Variants in CCSER1 observed in about 807,000 individuals in gnomAD.
CCSER1 encodes serine-rich coiled-coil domain-containing protein 1.
A neutral mutation model predicts 82.0 loss-of-function variants in CCSER1; 41 were observed. The ratio of observed to expected loss-of-function variants is 0.50; its 90% CI spans 0.39 to 0.65. The LOEUF (loss-of-function observed/expected upper bound fraction) is 0.65. CCSER1 is among the 30% of genes least tolerant of loss of function. CCSER1 has a pLI of 0.00. For synonymous variants in CCSER1, 414 were observed against 383.9 expected, an observed-to-expected ratio of 1.08 and a Z score of -0.92; for missense variants, 1,119 against 1,064.2, an observed-to-expected ratio of 1.05 and a Z score of -0.72.
chr4:91,595,099 T>C (rs1764504480), intron 10 of CCSER1, among the ~76,000 whole-genome samples: 1 of 151,758 alleles, frequency 6.6e-6, no homozygotes, highest in Admixed American at 6.6e-5. Context: ...ACTATAGCCC[T>C]TCCCAGGGCC....
intron 10 of CCSER1, among the ~76,000 whole-genome samples, chr4:91,450,513 A>G (rs1755812037): frequency 6.6e-6 from 1 of 151,992 alleles, no homozygotes; most frequent in Admixed American, 6.6e-5. Context: ...GTCACAGTAT[A>G]GTAATCTTGG....
rs182311510 is a variant in CCSER1 at position 90,195,264 on chromosome 4, G to A, written c.-42+67433G>A. On this transcript the variant is annotated intron_variant, in intron 1 of 10. Coordinates refer to ENST00000509176, the MANE Select transcript of CCSER1 (RefSeq NM_001145065.2). Reference sequence around the variant, plus strand: ...CCCATCCAGACAATGGAATGATTCAGTGTTAAAAAACGAATAATCAAGCCA... The same window carrying A: ...CCCATCCAGACAATGGAATGATTCAATGTTAAAAAACGAATAATCAAGCCA... Among the ~76,000 whole-genome samples the A allele has an allele frequency of 2.8e-3, 419 of 152,154 alleles. 5 individuals carry two copies. Among genetic ancestry groups the A allele is most frequent in the Non-Finnish European group, 2.4e-3 (165 of 67,950 alleles).
At chr4:91,282,847 C>A (rs555556310) in intron 10 of CCSER1, among the ~76,000 whole-genome samples, 39 of 152,190 alleles carry the variant, frequency 2.6e-4, no homozygotes, top group Non-Finnish European at 5.1e-4. Context: ...GGTTCTTTAA[C>A]TGATTCTGAA....
intron 1 of CCSER1, among the ~76,000 whole-genome samples, chr4:90,240,079 AT>A (rs2084179505): frequency 6.6e-6 from 1 of 152,198 alleles, no homozygotes. Flanking sequence ...GGTGTAATTC[AT>A]CTCACTGGAG....
At chr4:90,777,047 A>G (rs1752991345) in intron 7 of CCSER1, among the ~76,000 whole-genome samples, 1 of 152,138 alleles carries the variant, frequency 6.6e-6, no homozygotes, top group Admixed American at 6.5e-5. Context: ...TGTGCTATAA[A>G]ACAGACAAAT....
At chr4:90,556,381 A>G (rs1196097256) in intron 5 of CCSER1, among the ~76,000 whole-genome samples, 1 of 152,154 alleles carries the variant, frequency 6.6e-6, no homozygotes, top group Non-Finnish European at 1.5e-5. Flanking sequence ...ATCAGGTCTT[A>G]GGATATATAT....
chr4:90,630,994 C>T (rs111771604), intron 6 of CCSER1, among the ~76,000 whole-genome samples: 4,189 of 151,560 alleles, frequency 0.028, 185 homozygotes, highest in African/African-American at 0.097. Flanking sequence ...CCCGGGTTCA[C>T]GCCATTCTCC....
At chr4:90,285,853 G>T (rs1251911705) in intron 1 of CCSER1, among the ~76,000 whole-genome samples, 1 of 151,762 alleles carries the variant, frequency 6.6e-6, no homozygotes, top group Admixed American at 6.6e-5. Flanking sequence ...AAGGGATGTT[G>T]AATTATATTA....
chr4:91,121,446 A>G (rs184823387), intron 10 of CCSER1, among the ~76,000 whole-genome samples: 57 of 151,706 alleles, frequency 3.8e-4, no homozygotes, highest in Admixed American at 7.9e-4. Context: ...AACTGTTCCT[A>G]TTTTCTGTTC....
intron 9 of CCSER1, among the ~76,000 whole-genome samples, chr4:91,017,746 G>A (rs1182427367): frequency 1.3e-5 from 2 of 151,894 alleles, no homozygotes; most frequent in Non-Finnish European, 2.9e-5. Context: ...CACATATTCT[G>A]GAATCTGACA....
intron 7 of CCSER1, among the ~76,000 whole-genome samples, chr4:90,751,281 G>A (rs1485672000): frequency 6.6e-6 from 1 of 152,086 alleles, no homozygotes; most frequent in East Asian, 1.9e-4. Flanking sequence ...ACAAAATTTA[G>A]CTTTTCAATG....
intron 3 of CCSER1, among the ~76,000 whole-genome samples, chr4:90,385,865 T>C (rs1350938200): frequency 6.6e-6 from 1 of 152,196 alleles, no homozygotes; most frequent in Admixed American, 6.5e-5. Context: ...TTGTTTGAGT[T>C]CCTTGTAGAT....
chr4:90,481,003 T>C (rs1288235804), intron 5 of CCSER1, among the ~76,000 whole-genome samples: 2 of 152,194 alleles, frequency 1.3e-5, no homozygotes, highest in Non-Finnish European at 2.9e-5. Flanking sequence ...ATTCTTCCTA[T>C]CCATGAGTAT....
Position 90,308,493 on chromosome 4 carries a change from T to A in CCSER1, c.209T>A (p.Phe70Tyr). ...ATATTCCGTACTCCTTCCATTAGCTTCCACCATAAGAAGGGGAGTGAGCCT... is the reference window on the plus strand; with the variant it reads ...ATATTCCGTACTCCTTCCATTAGCTACCACCATAAGAAGGGGAGTGAGCCT... The part of the protein sequence containing the change: ...RSIFRTPSIS[F>Y]HHKKGSEPKQ... The change falls in exon 2 of 11, where the codon TTC (phenylalanine) becomes TAC (tyrosine). Residue 70 changes from phenylalanine (F) to tyrosine (Y), a missense_variant. Phe to Tyr is a conservative substitution (Grantham distance 22). Transcript: ENST00000509176. 6.2e-7 allele frequency: 1 copy of A among 1,613,850 alleles called. No homozygotes were observed. The highest frequency in any genetic ancestry group is 8.5e-7 in the Non-Finnish European group (1 of 1,179,834).
chr4:91,091,318 T>G (rs1723926857), intron 10 of CCSER1, among the ~76,000 whole-genome samples: 1 of 152,204 alleles, frequency 6.6e-6, no homozygotes, highest in Non-Finnish European at 1.5e-5. Flanking sequence ...AGAGGGGTCA[T>G]AGCACACGTC....
intron 1 of CCSER1, among the ~76,000 whole-genome samples, chr4:90,279,974 T>A (rs1308825746): frequency 6.6e-6 from 1 of 152,036 alleles, no homozygotes; most frequent in Non-Finnish European, 1.5e-5. Context: ...TATTTAATTC[T>A]CATGCTTTAT....
At chr4:91,361,405 C>G (rs917198995) in intron 10 of CCSER1, among the ~76,000 whole-genome samples, 3 of 151,672 alleles carry the variant, frequency 2.0e-5, no homozygotes, top group Non-Finnish European at 2.9e-5. Context: ...ATTTAGTTAA[C>G]TTAAATTTTT....
chr4:91,451,986 C>G (rs1755895696), intron 10 of CCSER1, among the ~76,000 whole-genome samples: 1 of 151,906 alleles, frequency 6.6e-6, no homozygotes, highest in South Asian at 2.1e-4. Flanking sequence ...TTCCTGAAGA[C>G]TTATCTCTAT....
intron 5 of CCSER1, among the ~76,000 whole-genome samples, chr4:90,481,120 A>T (rs1467122466): frequency 2.6e-5 from 4 of 152,028 alleles, no homozygotes. Context: ...ATTCCTAGGT[A>T]TTTTATTCTC....
Sources: allele counts gnomAD v4.1 joint callset (sites outside exome capture counted in the v4.1 genomes callset), GRCh38; gene constraint gnomAD v4.1.1; transcripts MANE v1.5; gene names NCBI Gene and HGNC (gene_info 2026-07-23, HGNC 2026-07-21).